The following GPR158 variants were observed in gnomAD, a reference collection of about 807,000 sequenced individuals.
GPR158 encodes G protein-coupled receptor 158.
GPR158 carries 30 observed loss-of-function variants against 78.2 expected under a neutral mutation model. That is an observed-to-expected ratio of 0.38 (90% CI 0.29 to 0.52). The LOEUF (loss-of-function observed/expected upper bound fraction) is 0.52. Among genes scored for constraint, GPR158 ranks in the 20% least tolerant of loss-of-function variants. The probability of loss-of-function intolerance (pLI) is 0.83; values close to 1 mark genes in which losing one functional copy is unlikely to be tolerated. For synonymous variants in GPR158, 581 were observed against 591.1 expected (o/e 0.98, Z 0.25); for missense variants, 1,463 against 1,523.5 (o/e 0.96, Z 0.66).
chr10:25,466,181 T>G (rs1457257211), intron 4 of GPR158: 1 of 152,618 alleles, frequency 6.6e-6, no homozygotes, highest in East Asian at 1.9e-4. Context: ...GAAGCTTCAC[T>G]TTCACTTTCA....
chr10:25,192,231 C>T (rs554766518), intron 1 of GPR158, among the ~76,000 whole-genome samples: 1 of 152,136 alleles, frequency 6.6e-6, no homozygotes, highest in Non-Finnish European at 1.5e-5. Flanking sequence ...TCATTTTCCC[C>T]ACTGCCACCT....
chr10:25,248,921 A>G (rs990976288), intron 2 of GPR158, among the ~76,000 whole-genome samples: 4 of 151,218 alleles, frequency 2.6e-5, no homozygotes, highest in Non-Finnish European at 5.9e-5. Flanking sequence ...GGCCATTTTC[A>G]TGATATTGAT....
At chr10:25,436,963 G>A (rs1835005335) in intron 4 of GPR158, among the ~76,000 whole-genome samples, 1 of 152,128 alleles carries the variant, frequency 6.6e-6, no homozygotes, top group Non-Finnish European at 1.5e-5. Context: ...ACCCCTAAAG[G>A]AGGAGTTTCA....
intron 6 of GPR158, among the ~76,000 whole-genome samples, chr10:25,552,857 T>C (rs1836745338): frequency 6.6e-6 from 1 of 152,222 alleles, no homozygotes. Context: ...TCAGTAGCAC[T>C]GAATCATTTA....
chr10:25,483,344 A>C (rs868190641), intron 5 of GPR158, among the ~76,000 whole-genome samples: 25 of 151,888 alleles, frequency 1.6e-4, no homozygotes, highest in Non-Finnish European at 2.5e-4. Flanking sequence ...ATCCCACCTC[A>C]AAGCGCTTGC....
chr10:25,483,801 T>C (rs962008206), intron 5 of GPR158, among the ~76,000 whole-genome samples: 1 of 152,196 alleles, frequency 6.6e-6, no homozygotes, highest in Non-Finnish European at 1.5e-5. Context: ...CCTTTTAAAA[T>C]TTCTTTTTGA....
chr10:25,574,167 A>C (rs1054810483), intron 7 of GPR158, among the ~76,000 whole-genome samples: 1 of 150,450 alleles, frequency 6.6e-6, no homozygotes. Context: ...AAAAAAAAAA[A>C]AAAAACCTCA....
At chr10:25,343,861 A>G (rs1855335983) in intron 2 of GPR158, among the ~76,000 whole-genome samples, 1 of 152,048 alleles carries the variant, frequency 6.6e-6, no homozygotes, top group Non-Finnish European at 1.5e-5. Context: ...TATACTCAAG[A>G]AATAGGAAAA....
intron 2 of GPR158, among the ~76,000 whole-genome samples, chr10:25,395,417 A>G (rs974469769): frequency 6.6e-6 from 1 of 152,134 alleles, no homozygotes; most frequent in African/African-American, 2.4e-5. Context: ...TGTTATTTTG[A>G]TTGATTCCAG....
At chr10:25,433,694 C>T (rs1970503) in intron 4 of GPR158, among the ~76,000 whole-genome samples, 64,216 of 108,020 alleles carry the variant, frequency 0.59, 20,899 homozygotes, top group Non-Finnish European at 0.72. Context: ...TTCTTTCTTT[C>T]TTTTTTTTTT....
chr10:25,284,230 A>G (rs1001529681), intron 2 of GPR158, among the ~76,000 whole-genome samples: 2 of 151,998 alleles, frequency 1.3e-5, no homozygotes, highest in African/African-American at 4.8e-5. Context: ...TCCAGCTACA[A>G]GTGTGGGTTT....
intron 6 of GPR158, among the ~76,000 whole-genome samples, chr10:25,571,651 G>C (rs900152818): frequency 6.6e-6 from 1 of 152,088 alleles, no homozygotes; most frequent in African/African-American, 2.4e-5. Flanking sequence ...AATGGGATAG[G>C]GAGTTAAAAT....
chr10:25,546,978 T>C, intron 5 of GPR158, among the ~76,000 whole-genome samples: 1 of 152,138 alleles, frequency 6.6e-6, no homozygotes. Flanking sequence ...GTGAAGACTC[T>C]TGCTAACCAT....
Position 25,489,094 on chromosome 10 carries a change from G to T in GPR158, c.1404+22375G>T, listed in dbSNP as rs528425579. Among the ~76,000 whole-genome samples, 8 of 152,198 alleles carry T rather than the reference G, an allele frequency of 5.3e-5. No homozygotes were observed. In the East Asian group the frequency reaches 1.4e-3, roughly 26 times the overall value. The stretch of plus-strand genomic sequence containing the variant: ...AGGGGAGAAAAGTAGACAAAAACTT[G>T]TTGGCCTGAAATCCTAGTTAAAAGG... On this transcript the variant is annotated intron_variant, in intron 5 of 10. Coordinates refer to ENST00000376351, the MANE Select transcript of GPR158 (RefSeq NM_020752.3).
chr10:25,253,126 A>G (rs1290691487), intron 2 of GPR158, among the ~76,000 whole-genome samples: 12 of 150,736 alleles, frequency 8.0e-5, no homozygotes, highest in African/African-American at 3.0e-4. Context: ...GAACTCCCTG[A>G]CCCCTTGCGC....
At chr10:25,365,717 G>T (rs1470030351) in intron 2 of GPR158, among the ~76,000 whole-genome samples, 1 of 151,588 alleles carries the variant, frequency 6.6e-6, no homozygotes, top group Non-Finnish European at 1.5e-5. Context: ...CCTTTGGAGG[G>T]ATAGTATGGC....
At chr10:25,569,842 T>A (rs372429308) in intron 6 of GPR158, among the ~76,000 whole-genome samples, 171 of 152,350 alleles carry the variant, frequency 1.1e-3, no homozygotes, top group African/African-American at 3.9e-3. Flanking sequence ...TACTTCTAGT[T>A]AAATTGTAAG....
intron 2 of GPR158, among the ~76,000 whole-genome samples, chr10:25,279,277 G>A (rs1040994990): frequency 6.6e-6 from 1 of 152,092 alleles, no homozygotes; most frequent in Admixed American, 6.5e-5. Context: ...GAAATTGACG[G>A]CCATAATAAC....
At chr10:25,576,297 G>T (rs957301962) in intron 7 of GPR158, among the ~76,000 whole-genome samples, 2 of 152,032 alleles carry the variant, frequency 1.3e-5, no homozygotes, top group Non-Finnish European at 2.9e-5. Context: ...CGATGTACGG[G>T]ATTCGGTTTT....
Sources: allele counts gnomAD v4.1 joint callset (sites outside exome capture counted in the v4.1 genomes callset), GRCh38; gene constraint gnomAD v4.1.1; transcripts MANE v1.5; gene names NCBI Gene and HGNC (gene_info 2026-07-23, HGNC 2026-07-21).